BRCA2: variants seen among roughly 807,000 people sequenced by gnomAD.
The protein encoded by BRCA2 is BRCA2 DNA repair associated.
In BRCA2, 203 loss-of-function variants were observed where a neutral mutation model predicts 276.7. The ratio of observed to expected loss-of-function variants is 0.73; its 90% CI spans 0.65 to 0.82. BRCA2 has a LOEUF of 0.82. BRCA2 is among the 40% of genes least tolerant of loss of function. The pLI is 0.00. For missense variants in BRCA2, 3,920 were observed against 3,915.0 expected (o/e 1.00, Z -0.03); for synonymous variants, 1,289 against 1,338.4 (o/e 0.96, Z 0.81).
At chr13:32,335,165 A>G (rs917088759) in intron 10 of BRCA2, among the ~76,000 whole-genome samples, 22 of 152,204 alleles carry the variant, frequency 1.4e-4, no homozygotes, top group African/African-American at 5.3e-4. Context: ...CCAACATGGT[A>G]AAACCCCATC....
chr13:32,384,285 A>T (rs982598757), intron 24 of BRCA2, among the ~76,000 whole-genome samples: 12 of 152,176 alleles, frequency 7.9e-5, no homozygotes, highest in African/African-American at 2.7e-4. Flanking sequence ...CAAGATGGCA[A>T]TGAGAGCACC....
At chr13:32,386,083 T>G in intron 24 of BRCA2, 2 of 188,930 alleles carry the variant, frequency 1.1e-5, no homozygotes, top group Non-Finnish European at 1.2e-5. Context: ...CTGCTGAGTT[T>G]TAGAACTCTG....
chr13:32,358,673 C>T (rs2072718048), intron 16 of BRCA2, among the ~76,000 whole-genome samples: 1 of 151,758 alleles, frequency 6.6e-6, no homozygotes, highest in African/African-American at 2.4e-5. Flanking sequence ...TGGCTCACGC[C>T]TGTAGTCCCA....
At position 32,325,153 on chromosome 13, in the gene BRCA2, T is replaced by G. The variant is rs752207703; in HGVS notation, c.394T>G (p.Cys132Gly). ...TKMDQADDVSCPLLNSCLSES... is the reference protein window; with the variant it reads ...TKMDQADDVSGPLLNSCLSES... Reference sequence around the variant, plus strand: ...AATGGATCAAGCAGATGATGTTTCCTGTCCACTTCTAAATTCTTGTCTTAG... The same window carrying G: ...AATGGATCAAGCAGATGATGTTTCCGGTCCACTTCTAAATTCTTGTCTTAG... Residue 132 changes from cysteine (C) to glycine (G), a missense_variant, in exon 4 of 27, where the codon TGT becomes GGT. Transcript: ENST00000380152. 6.2e-7 allele frequency: 1 copy of G among 1,603,004 alleles called. No individual in the cohort carries two copies. The highest frequency in any genetic ancestry group is 1.1e-5 in the South Asian group (1 of 90,824).
At chr13:32,371,244 T>A (rs2072832590) in intron 20 of BRCA2, 144 bp downstream of exon 20, 4 of 839,138 alleles carry the variant, frequency 4.8e-6, no homozygotes, top group Non-Finnish European at 7.3e-6. Context: ...AGGGTATTCT[T>A]TTTTGGTGTT....
chr13:32,343,035 C>G (rs1039134533), intron 11 of BRCA2, among the ~76,000 whole-genome samples: 1 of 146,744 alleles, frequency 6.8e-6, no homozygotes, highest in African/African-American at 2.5e-5. Flanking sequence ...GGCGACAGAG[C>G]AAGACTCCAT....
chr13:32,394,774 T>G lies in BRCA2; in HGVS notation c.9342T>G (p.Ile3114Met), dbSNP rs1298195804. 1 of 1,614,132 alleles carries G rather than the reference T, an allele frequency of 6.2e-7. No homozygotes were observed. The highest frequency in any genetic ancestry group is 1.3e-5 in the African/African-American group (1 of 75,052). ...KFWIDLNEDI[I>M]KPHMLIAASN... ...GGATAGACCTTAATGAGGACATTATTAAGCCTCATATGTTAATTGCTGCAA... is the reference window on the plus strand; with the variant it reads ...GGATAGACCTTAATGAGGACATTATGAAGCCTCATATGTTAATTGCTGCAA... The change falls in exon 25 of 27, where the codon ATT becomes ATG. Residue 3114 changes from isoleucine to methionine, a missense_variant. Physicochemically the swap from Ile to Met is conservative, Grantham distance 10 (BLOSUM62 1). Transcript: ENST00000380152.
At chr13:32,321,967 T>C (rs2072309054) in intron 3 of BRCA2, among the ~76,000 whole-genome samples, 1 of 152,226 alleles carries the variant, frequency 6.6e-6, no homozygotes, top group Non-Finnish European at 1.5e-5. Context: ...CGAGTTTCTT[T>C]TCATTGCTGA....
At chr13:32,372,201 A>C (rs1287910683) in intron 20 of BRCA2, among the ~76,000 whole-genome samples, 1 of 152,260 alleles carries the variant, frequency 6.6e-6, no homozygotes, top group Non-Finnish European at 1.5e-5. Flanking sequence ...CTGCTTTATC[A>C]GAATATTATG....
In BRCA2 at chr13:32,370,571, T is replaced by C; in HGVS notation, c.8487+14T>C. 1 of 1,603,770 alleles carries C rather than the reference T, an allele frequency of 6.2e-7. No individual in the cohort carries two copies. The highest frequency in any genetic ancestry group is 8.5e-7 in the Non-Finnish European group (1 of 1,170,636). On this transcript the variant is annotated intron_variant, in intron 19 of 26. Transcript: ENST00000380152. ...TACCCTATACAGGTATGATGTATTCTTGAAACTTACCATATATTTCTTTCT... is the reference window on the plus strand; with the variant it reads ...TACCCTATACAGGTATGATGTATTCCTGAAACTTACCATATATTTCTTTCT...
At position 32,339,472 on chromosome 13, in the gene BRCA2, A is replaced by C. The variant is rs730881536; in HGVS notation, c.5117A>C (p.Asn1706Thr). Residue 1706 changes from asparagine (N) to threonine (T), a missense_variant, in exon 11 of 27, where the codon AAT becomes ACT. Coordinates refer to ENST00000380152, the MANE Select transcript of BRCA2 (RefSeq NM_000059.4). ...GIFDGQPERI[N>T]TADYVGNYLY... ...TTTGATGGTCAACCAGAAAGAATAA[A>C]TACTGCAGATTATGTAGGAAATTAT... 1.9e-6 allele frequency: 3 copies of C among 1,586,316 alleles called. No homozygotes were observed. Among genetic ancestry groups the C allele is most frequent in the Non-Finnish European group, 2.6e-6 (3 of 1,168,218 alleles).
At chr13:32,318,989 A>G in intron 2 of BRCA2, 88 bp from the exon 3 acceptor site, 1 of 1,527,120 alleles carries the variant, frequency 6.5e-7, no homozygotes, top group Non-Finnish European at 8.9e-7. Context: ...GATCTTAAGC[A>G]TTTTTTTCCT....
chr13:32,340,613 C>CCTCTAACTGAGGATTAAGA lies in BRCA2; in HGVS notation c.6258_6259insCTCTAACTGAGGATTAAGA (p.Arg2087LeufsTer2). On this transcript the variant is annotated stop_gained and frameshift_variant, in exon 11 of 27. Transcript: ENST00000380152. LOFTEE classifies it high-confidence loss of function. ...GAGTGTTAGAGGAATTTGATTTAAT[C>CCTCTAACTGAGGATTAAGA]AGAACTGAGCATAGTCTTCACTATT... 6.2e-7 allele frequency: 1 copy of CCTCTAACTGAGGATTAAGA among 1,606,330 alleles called. No individual in the cohort carries two copies. The highest frequency in any genetic ancestry group is 8.5e-7 in the Non-Finnish European group (1 of 1,176,644).
At chr13:32,395,233 T>G (rs566279045) in intron 25 of BRCA2, among the ~76,000 whole-genome samples, 1 of 152,302 alleles carries the variant, frequency 6.6e-6, no homozygotes, top group African/African-American at 2.4e-5. Flanking sequence ...GAGTTATCTG[T>G]GGTTTGCAGC....
Position 32,339,402 on chromosome 13 carries a change from CAGACTTCATTACTTGA to C in BRCA2, c.5050_5065del (p.Thr1684GlnfsTer17), listed in dbSNP as rs886040562. 6.3e-7 allele frequency: 1 copy of C among 1,595,818 alleles called. No homozygotes were observed. The highest frequency in any genetic ancestry group is 8.5e-7 in the Non-Finnish European group (1 of 1,172,458). ...TTGTAGTAGAAAAACTTCTGTGAGT[CAGACTTCATTACTTGA>C]AGCAAAAAAATGGCTTAGAGAAGGA... is the stretch of plus-strand genomic sequence containing the variant. On this transcript the variant is annotated frameshift_variant, in exon 11 of 27. Coordinates refer to ENST00000380152, the MANE Select transcript of BRCA2 (RefSeq NM_000059.4). LOFTEE classifies it high-confidence loss of function.
chr13:32,323,375 G>T (rs1168480297), intron 3 of BRCA2, among the ~76,000 whole-genome samples: 1 of 152,064 alleles, frequency 6.6e-6, no homozygotes, highest in Non-Finnish European at 1.5e-5. Context: ...GGATGGTCTT[G>T]ATCTCCTGAC....
Position 32,398,479 on chromosome 13 carries a change from G to GA in BRCA2, c.9967dup (p.Thr3323AsnfsTer4). 1 of 1,614,094 alleles carries GA rather than the reference G, an allele frequency of 6.2e-7. No homozygotes were observed. ...AAAAAGAACTGAATTCTCCTCAGATGACTCCATTTAAAAAATTCAATGAAA... is the reference window on the plus strand; with the variant it reads ...AAAAAGAACTGAATTCTCCTCAGATGAACTCCATTTAAAAAATTCAATGAAA... On this transcript the variant is annotated frameshift_variant, in exon 27 of 27. Coordinates refer to ENST00000380152, the MANE Select transcript of BRCA2 (RefSeq NM_000059.4). LOFTEE classifies it low-confidence loss of function (END_TRUNC).
chr13:32,329,184 T>C (rs1055879919), intron 7 of BRCA2, among the ~76,000 whole-genome samples: 1 of 152,188 alleles, frequency 6.6e-6, no homozygotes. Flanking sequence ...TTCCAACTCA[T>C]TGTGGACAGT....
In BRCA2 at chr13:32,338,915, T is replaced by C. The variant is rs1555283847; in HGVS notation, c.4560T>C (p.Thr1520=). ...GTGATGAAAAGATCAAAGAACCTAC[T>C]CTATTGGGTTTTCATACAGCTAGCG... is the stretch of plus-strand genomic sequence containing the variant. ...PERDEKIKEP[T]LLGFHTASGK... Residue 1520 remains threonine, a synonymous_variant, in exon 11 of 27, where the codon ACT becomes ACC. Coordinates refer to ENST00000380152, the MANE Select transcript of BRCA2 (RefSeq NM_000059.4). 6.2e-7 allele frequency: 1 copy of C among 1,613,966 alleles called. No individual in the cohort carries two copies. Among genetic ancestry groups the C allele is most frequent in the African/African-American group, 1.3e-5 (1 of 75,024 alleles).
Sources: allele counts gnomAD v4.1 joint callset (sites outside exome capture counted in the v4.1 genomes callset), GRCh38; gene constraint gnomAD v4.1.1; transcripts MANE v1.5; gene names NCBI Gene and HGNC (gene_info 2026-07-23, HGNC 2026-07-21).